RARB: variants seen among roughly 807,000 people sequenced by gnomAD.
The protein encoded by RARB is retinoic acid receptor beta.
Under a neutral mutation model 51.9 loss-of-function variants are expected in RARB, and 17 were observed. The observed-to-expected ratio is 0.33, with a 90% CI of 0.22 to 0.49. RARB has a LOEUF of 0.49. Among genes scored for constraint, RARB ranks in the 20% least tolerant of loss-of-function variants. The pLI, the probability that RARB is intolerant of heterozygous loss-of-function variation, is 0.99. For synonymous variants in RARB, 215 were observed against 195.4 expected (o/e 1.10, Z -0.84); for missense variants, 369 against 550.8 (o/e 0.67, Z 3.30).
chr3:24,901,398 C>G (rs1703601896), intron 2 of RARB, among the ~76,000 whole-genome samples: 2 of 152,122 alleles, frequency 1.3e-5, no homozygotes, highest in South Asian at 2.1e-4. Flanking sequence ...TGGATTTCAT[C>G]TATATATTTA....
intron 5 of RARB, among the ~76,000 whole-genome samples, chr3:25,385,832 A>G (rs1706777918): frequency 6.6e-6 from 1 of 152,120 alleles, no homozygotes; most frequent in Non-Finnish European, 1.5e-5. Context: ...AACCAGGGCC[A>G]CGGTTCTTAG....
At position 25,582,203 on chromosome 3, in the gene RARB, A is replaced by G. The variant is rs115038220; in HGVS notation, c.786+1481A>G. 3.2e-3 allele frequency among the ~76,000 whole-genome samples: 481 copies of G among 152,310 alleles called. 2 individuals are homozygous for G. The highest frequency in any genetic ancestry group is 0.011 in the African/African-American group (450 of 41,572). On this transcript the variant is annotated intron_variant, in intron 5 of 7. Coordinates refer to ENST00000330688, the MANE Select transcript of RARB (RefSeq NM_000965.5). ...GATGTTAACAATGAGCTATTAGAAT[A>G]ATGAATGAAAATTACTGGGCCTTTT...
chr3:25,121,904 G>A (rs898524174), intron 3 of RARB, among the ~76,000 whole-genome samples: 6 of 152,102 alleles, frequency 3.9e-5, no homozygotes, highest in South Asian at 4.1e-4. Flanking sequence ...GACCTGTCAC[G>A]TTCTTCTACT....
chr3:25,207,265 T>C (rs1425841818), intron 5 of RARB, among the ~76,000 whole-genome samples: 3 of 151,956 alleles, frequency 2.0e-5, no homozygotes, highest in Non-Finnish European at 4.4e-5. Flanking sequence ...ACTGAGAAAA[T>C]CTCTGTGATC....
chr3:25,228,111 C>T (rs1194703910), intron 5 of RARB, among the ~76,000 whole-genome samples: 4 of 151,070 alleles, frequency 2.6e-5, no homozygotes, highest in Non-Finnish European at 5.9e-5. Flanking sequence ...ATATATGATT[C>T]TACTGATTAT....
intron 1 of RARB, among the ~76,000 whole-genome samples, chr3:25,457,648 T>C (rs1694986472): frequency 6.6e-6 from 1 of 152,192 alleles, no homozygotes; most frequent in South Asian, 2.1e-4. Context: ...GTTTCTTGGG[T>C]ATTAAATTAT....
chr3:25,072,631 T>A (rs867229878), intron 3 of RARB, among the ~76,000 whole-genome samples: 2 of 152,178 alleles, frequency 1.3e-5, no homozygotes, highest in African/African-American at 4.8e-5. Context: ...AGAACCTCAC[T>A]GGGTTCTATT....
intron 5 of RARB, among the ~76,000 whole-genome samples, chr3:25,351,798 C>T (rs1177733812): frequency 3.3e-5 from 5 of 152,190 alleles, no homozygotes; most frequent in African/African-American, 1.2e-4. Flanking sequence ...ACTCTACTCA[C>T]AGCAGCCTCA....
intron 5 of RARB, among the ~76,000 whole-genome samples, chr3:25,174,823 A>G (rs188257962): frequency 6.6e-6 from 1 of 152,364 alleles, no homozygotes; most frequent in East Asian, 1.9e-4. Context: ...TGCAAACACA[A>G]AAAGTGATGA....
At chr3:25,170,892 A>G (rs1480642987) in intron 4 of RARB, among the ~76,000 whole-genome samples, 1 of 152,212 alleles carries the variant, frequency 6.6e-6, no homozygotes, top group African/African-American at 2.4e-5. Flanking sequence ...CCCTACCACT[A>G]AATGTGCATG....
intron 3 of RARB, among the ~76,000 whole-genome samples, chr3:25,519,597 T>G (rs1698317335): frequency 6.6e-6 from 1 of 152,172 alleles, no homozygotes; most frequent in Non-Finnish European, 1.5e-5. Flanking sequence ...CAGTTTGATC[T>G]CATATTTGTA....
At chr3:25,070,236 A>AC (rs1240551928) in intron 3 of RARB, among the ~76,000 whole-genome samples, 1 of 152,148 alleles carries the variant, frequency 6.6e-6, no homozygotes, top group Admixed American at 6.6e-5. Context: ...TTAGAGGCCC[A>AC]CCCTACTCCA....
chr3:24,899,010 G>A (rs912534374), intron 2 of RARB, among the ~76,000 whole-genome samples: 1 of 152,170 alleles, frequency 6.6e-6, no homozygotes, highest in Non-Finnish European at 1.5e-5. Context: ...AGTACTCAAG[G>A]TTGTCAAAGT....
At chr3:25,373,792 A>G (rs1287977049) in intron 5 of RARB, among the ~76,000 whole-genome samples, 1 of 152,142 alleles carries the variant, frequency 6.6e-6, no homozygotes, top group Admixed American at 6.5e-5. Context: ...GATACCCATC[A>G]GTGACTTGAA....
intron 2 of RARB, among the ~76,000 whole-genome samples, chr3:24,963,098 G>C (rs1459985870): frequency 1.3e-5 from 2 of 152,156 alleles, no homozygotes; most frequent in Admixed American, 1.3e-4. Flanking sequence ...TTCTCTTCTA[G>C]ATGCCTCAGG....
At position 25,496,868 on chromosome 3, in the gene RARB, A is replaced by C. The variant is rs766201918; in HGVS notation, c.307-4314A>C. ...GTTCCAGAGTTGGTAGCAGAAAACC[A>C]GGTGTTGTTTTTTTGTTTGTTTGTT... On this transcript the variant is annotated intron_variant, in intron 2 of 7. Transcript: ENST00000330688. Among the ~76,000 whole-genome samples, 40 of 152,046 alleles carry C rather than the reference A, an allele frequency of 2.6e-4. 1 individual carries two copies. Among genetic ancestry groups the C allele is most frequent in the Admixed American group, 1.2e-3 (19 of 15,260 alleles).
chr3:25,460,820 A>G (rs1180287070), intron 1 of RARB, among the ~76,000 whole-genome samples: 2 of 152,166 alleles, frequency 1.3e-5, no homozygotes, highest in Non-Finnish European at 2.9e-5. Flanking sequence ...TGGGGTTTGT[A>G]GTATGACTAT....
intron 2 of RARB, among the ~76,000 whole-genome samples, chr3:25,468,300 C>T (rs181383659): frequency 7.3e-5 from 11 of 149,956 alleles, no homozygotes; most frequent in Middle Eastern, 3.6e-3. Context: ...AGTGTTTGTA[C>T]GTCCAAGTGT....
intron 2 of RARB, among the ~76,000 whole-genome samples, chr3:24,977,999 T>C (rs1296927759): frequency 6.6e-6 from 1 of 152,174 alleles, no homozygotes; most frequent in Admixed American, 6.5e-5. Context: ...TTTTCTGCAT[T>C]GATTGAGATA....
Sources: gnomAD v4.1 joint callset for allele counts (sites outside exome capture counted in the v4.1 genomes callset) on GRCh38, gnomAD v4.1.1 for gene constraint, MANE v1.5 for transcripts, NCBI Gene and HGNC (gene_info 2026-07-23, HGNC 2026-07-21) for gene names.